SEC31A: variants seen among roughly 807,000 people sequenced by gnomAD.
The protein encoded by SEC31A is SEC31 homolog A, COPII component, also known as protein transport protein Sec31A.
Under a neutral mutation model 151.0 loss-of-function variants are expected in SEC31A, and 70 were observed. The observed-to-expected ratio is 0.46, with a 90% CI of 0.38 to 0.57. SEC31A has a LOEUF of 0.57. Among genes scored for constraint, SEC31A ranks in the 20% least tolerant of loss-of-function variants. SEC31A has a pLI of 0.00. For missense variants in SEC31A, 1,330 were observed against 1,471.2 expected, an observed-to-expected ratio of 0.90 and a Z score of 1.57; for synonymous variants, 475 against 505.9, an observed-to-expected ratio of 0.94 and a Z score of 0.82.
At chr4:82,857,242 C>A in intron 15 of SEC31A, 112 bp from the exon 16 acceptor site, 2 of 849,210 alleles carry the variant, frequency 2.4e-6, no homozygotes, top group Non-Finnish European at 3.7e-6. Context: ...GAGACCACAA[C>A]ACTAATTTCT....
At chr4:82,891,204 G>A (rs903036521), upstream of SEC31A, 33 of 1,528,610 alleles carry the variant, frequency 2.2e-5, no homozygotes, top group Non-Finnish European at 2.8e-5. Flanking sequence ...CCGTTCCAAC[G>A]TGGCAGCCGC....
chr4:82,853,981 T>C (rs903242997), intron 17 of SEC31A, among the ~76,000 whole-genome samples: 3 of 152,104 alleles, frequency 2.0e-5, no homozygotes, highest in Non-Finnish European at 4.4e-5. Flanking sequence ...AAACAATAAA[T>C]GGGAACAACA....
At chr4:82,866,444 C>G (rs1441370286) in intron 10 of SEC31A, among the ~76,000 whole-genome samples, 1 of 151,956 alleles carries the variant, frequency 6.6e-6, no homozygotes, top group African/African-American at 2.4e-5. Flanking sequence ...GCACTCCAGC[C>G]TGTACAACAG....
At chr4:82,866,137 G>C (rs1463435940) in intron 10 of SEC31A, among the ~76,000 whole-genome samples, 1 of 151,796 alleles carries the variant, frequency 6.6e-6, no homozygotes, top group Non-Finnish European at 1.5e-5. Flanking sequence ...GACAGAGGGA[G>C]GGAAAGAGAG....
chr4:82,851,709 T>C (rs1020792330), intron 18 of SEC31A, 105 bp from the exon 19 acceptor site: 31 of 911,008 alleles, frequency 3.4e-5, no homozygotes, highest in Non-Finnish European at 4.8e-5. Context: ...ACTAAAAATA[T>C]AGTACCTGTT....
In SEC31A at chr4:82,842,153, C is replaced by T. The variant is rs752268746; in HGVS notation, c.2955G>A (p.Ala985=). The change falls in exon 22 of 27, where the codon GCG becomes GCA. Residue 985 remains alanine (A), a synonymous_variant. Transcript: ENST00000395310. ...GTLPAASELP[A]SQRTGPQNGW... is the part of the protein sequence containing the mutation. Reference sequence around the variant, plus strand: ...TCAAGCGCAGACCTGTTCTTTGGGACGCAGGCAGCTCACTGGCAGCAGGCA... The same window carrying T: ...TCAAGCGCAGACCTGTTCTTTGGGATGCAGGCAGCTCACTGGCAGCAGGCA... 105 of 1,560,288 alleles carry T rather than the reference C, an allele frequency of 6.7e-5. No individual in the cohort carries two copies. Among genetic ancestry groups the T allele is most frequent in the Middle Eastern group, 1.7e-4 (1 of 5,738 alleles).
intron 23 of SEC31A, 92 bp from the exon 24 acceptor site, chr4:82,827,724 C>A: frequency 7.8e-7 from 1 of 1,274,492 alleles, no homozygotes; most frequent in Non-Finnish European, 1.1e-6. Context: ...TAGGTTATAC[C>A]ACGGCTAAAC....
chr4:82,870,549 A>G (rs1736419989), intron 7 of SEC31A, 125 bp from the exon 8 acceptor site: 3 of 758,986 alleles, frequency 4.0e-6, no homozygotes, highest in Admixed American at 2.5e-5. Flanking sequence ...CAAGAGTTTC[A>G]GCGCCGGGCG....
At chr4:82,873,486 T>G (rs561567936) in intron 6 of SEC31A, among the ~76,000 whole-genome samples, 1 of 152,312 alleles carries the variant, frequency 6.6e-6, no homozygotes, top group South Asian at 2.1e-4. Context: ...AATTTTCATA[T>G]GGAATAAATT....
At position 82,844,422 on chromosome 4, in the gene SEC31A, T is replaced by C. The variant is rs772946730; in HGVS notation, c.2590A>G (p.Met864Val). 2 of 1,614,072 alleles carry C rather than the reference T, an allele frequency of 1.2e-6. No individual in the cohort carries two copies. Among genetic ancestry groups the C allele is most frequent in the Non-Finnish European group, 1.7e-6 (2 of 1,180,030 alleles). ...AGQLPTSPGH[M>V]HTQVPPYPQP... ...GGATAAGGTGGTACCTGGGTGTGCA[T>C]ATGACCTGGAGATGTGGGAAGCTGA... Residue 864 changes from methionine to valine, a missense_variant, in exon 21 of 27, where the codon ATG (methionine) becomes GTG (valine). Met to Val is a conservative substitution (Grantham distance 21). Transcript: ENST00000395310.
At chr4:82,847,134 A>C (rs541215099) in intron 20 of SEC31A, among the ~76,000 whole-genome samples, 1 of 152,340 alleles carries the variant, frequency 6.6e-6, no homozygotes, top group African/African-American at 2.4e-5. Context: ...TTTAGGGGTT[A>C]AGTTCTGGGG....
rs148504393 is a variant in SEC31A, at chr4:82,868,576, C to T, written c.883-1260G>A. Among the ~76,000 whole-genome samples the T allele has an allele frequency of 1.0e-3, 155 of 152,080 alleles. 1 individual carries two copies. The highest frequency in any genetic ancestry group is 3.5e-3 in the African/African-American group (147 of 41,488). ...TTATATGAAACCTTCACAATGTAATCCTTGTTGTGAACTCAAAGTTAGTAT... is the reference window on the plus strand; with the variant it reads ...TTATATGAAACCTTCACAATGTAATTCTTGTTGTGAACTCAAAGTTAGTAT... On this transcript the variant is annotated intron_variant, in intron 8 of 26. Transcript: ENST00000395310.
Position 82,853,723 on chromosome 4 carries a change from T to G in SEC31A, c.2009-8A>C. ...GCCTGGTTCCCAAAAGATCTGTAAG[T>G]AAGAGGAAAATAAAATAAGATTATA... On this transcript the variant is annotated splice_region_variant and splice_polypyrimidine_tract_variant and intron_variant, in intron 17 of 26. Coordinates refer to ENST00000395310, the MANE Select transcript of SEC31A (RefSeq NM_001077207.4). 1 of 1,596,850 alleles carries G rather than the reference T, an allele frequency of 6.3e-7. No homozygotes were observed. Among genetic ancestry groups the G allele is most frequent in the Non-Finnish European group, 8.5e-7 (1 of 1,174,844 alleles).
At chr4:82,855,092 G>A (rs1732337009) in intron 16 of SEC31A, 63 bp from the exon 17 acceptor site, 2 of 1,352,880 alleles carry the variant, frequency 1.5e-6, no homozygotes, top group Non-Finnish European at 2.0e-6. Context: ...AATTAATTCT[G>A]ACTAATTAAT....
Position 82,841,756 on chromosome 4 carries a change from G to A in SEC31A, c.2968+384C>T, listed in dbSNP as rs746972030. Among the ~76,000 whole-genome samples, 72 of 151,696 alleles carry A rather than the reference G, an allele frequency of 4.7e-4. 1 individual carries two copies. The highest frequency in any genetic ancestry group is 9.4e-4 in the Non-Finnish European group (64 of 67,952). On this transcript the variant is annotated intron_variant, in intron 22 of 26. Coordinates refer to ENST00000395310, the MANE Select transcript of SEC31A (RefSeq NM_001077207.4). ...GGAGGCCGAAGCGGGTGGATCACTT[G>A]AGGTCAGGAGTTCGAGACCAGCCTG...
chr4:82,863,093 C>T (rs1734542659), intron 12 of SEC31A: 1 of 448,290 alleles, frequency 2.2e-6, no homozygotes, highest in Non-Finnish European at 3.9e-6. Flanking sequence ...TGATGAAAGG[C>T]TAATACAAGT....
At chr4:82,822,965 C>T (rs1012191290) in intron 25 of SEC31A, among the ~76,000 whole-genome samples, 1 of 151,888 alleles carries the variant, frequency 6.6e-6, no homozygotes, top group African/African-American at 2.4e-5. Context: ...AAGAGTGAAA[C>T]TCCGTCTCAA....
chr4:82,867,445 C>A, intron 8 of SEC31A, 129 bp from the exon 9 acceptor site: 3 of 759,138 alleles, frequency 4.0e-6, no homozygotes, highest in Non-Finnish European at 2.1e-6. Flanking sequence ...GTATCTTTAG[C>A]CAGGAAAAAG....
intron 10 of SEC31A, among the ~76,000 whole-genome samples, chr4:82,866,181 G>C (rs1259268111): frequency 1.3e-5 from 2 of 151,898 alleles, no homozygotes; most frequent in Non-Finnish European, 2.9e-5. Flanking sequence ...AAATTTAAAA[G>C]GGAGGAGGGC....
Sources: allele counts gnomAD v4.1 joint callset (sites outside exome capture counted in the v4.1 genomes callset), GRCh38; gene constraint gnomAD v4.1.1; transcripts MANE v1.5; gene names NCBI Gene and HGNC (gene_info 2026-07-23, HGNC 2026-07-21).